Variants in PRAG1 observed in about 807,000 individuals in gnomAD.
PRAG1 encodes the protein PEAK1 related, kinase-activating pseudokinase 1, also known as inactive tyrosine-protein kinase PRAG1.
PRAG1 carries 110 observed loss-of-function variants against 95.6 expected under a neutral mutation model. The ratio of observed to expected loss-of-function variants is 1.15; its 90% CI spans 0.99 to 1.35. PRAG1 has a LOEUF of 1.35. Ranked by LOEUF, PRAG1 falls within the 40% of genes most tolerant of loss-of-function variation. The pLI is 0.00. For missense variants in PRAG1, 2,554 were observed against 1,864.7 expected, an observed-to-expected ratio of 1.37 and a Z score of -6.81; for synonymous variants, 1,052 against 819.4, an observed-to-expected ratio of 1.28 and a Z score of -4.85.
chr8:8,352,453 C>T (rs906477592), intron 3 of PRAG1, among the ~76,000 whole-genome samples: 7 of 152,182 alleles, frequency 4.6e-5, no homozygotes, highest in Admixed American at 3.9e-4. Flanking sequence ...TACTACCTCT[C>T]AGGGCTCCCT....
intron 4 of PRAG1, among the ~76,000 whole-genome samples, chr8:8,334,112 C>T (rs1285014331): frequency 6.6e-6 from 1 of 152,120 alleles, no homozygotes; most frequent in Admixed American, 6.6e-5. Context: ...ACAGTCAGAG[C>T]AGGTTCAACA....
In PRAG1 at chr8:8,317,906, T is replaced by C; in HGVS notation, c.*248A>G. ...AGGACGTTGCATGGAACTGGAAATG[T>C]GTATAATTACAGAAGAAAACAGGGA... On this transcript the variant is annotated 3_prime_UTR_variant, in exon 6 of 6. Transcript: ENST00000615670. 3.3e-6 allele frequency: 1 copy of C among 300,090 alleles called. No homozygotes were observed. Among genetic ancestry groups the C allele is most frequent in the South Asian group, 1.4e-4 (1 of 7,346 alleles). 18.6% of individuals were successfully genotyped at this position (300,090 alleles called of 1,614,324 possible). A position where few individuals can be genotyped will look rare whatever the true frequency, so the allele number is the denominator to read the frequency against.
chr8:8,386,109 C>T (rs1800839277), intron 1 of PRAG1, among the ~76,000 whole-genome samples: 1 of 152,216 alleles, frequency 6.6e-6, no homozygotes, highest in Admixed American at 6.5e-5. Flanking sequence ...AAACACCCTC[C>T]AGCTCCTCGG....
At chr8:8,337,997 T>C (rs13271161) in intron 4 of PRAG1, among the ~76,000 whole-genome samples, 1 of 152,146 alleles carries the variant, frequency 6.6e-6, no homozygotes, top group African/African-American at 2.4e-5. Context: ...TCTTTTATTG[T>C]TCTCTAAACC....
At chr8:8,362,282 C>T (rs919714283) in intron 3 of PRAG1, among the ~76,000 whole-genome samples, 1 of 152,244 alleles carries the variant, frequency 6.6e-6, no homozygotes, top group African/African-American at 2.4e-5. Flanking sequence ...CAGGACTTGT[C>T]ACCATCCACA....
chr8:8,356,772 C>T (rs144692221), intron 3 of PRAG1, among the ~76,000 whole-genome samples: 1 of 152,116 alleles, frequency 6.6e-6, no homozygotes, highest in Non-Finnish European at 1.5e-5. Context: ...TCTCACACTT[C>T]CTGATTTCAA....
At chr8:8,335,442 T>G (rs1368941980) in intron 4 of PRAG1, among the ~76,000 whole-genome samples, 2 of 152,208 alleles carry the variant, frequency 1.3e-5, no homozygotes, top group African/African-American at 4.8e-5. Flanking sequence ...TACACATTTT[T>G]GGGATGATAC....
chr8:8,382,352 T>C (rs900150196), intron 1 of PRAG1, among the ~76,000 whole-genome samples: 31 of 152,198 alleles, frequency 2.0e-4, no homozygotes, highest in Non-Finnish European at 3.2e-4. Flanking sequence ...AAAGGTGCAT[T>C]GTAATCCACA....
rs374060425 is a variant in PRAG1, at chr8:8,377,209, C to T, written c.1200G>A (p.Pro400=). Residue 400 remains proline (P), a synonymous_variant, in exon 3 of 6, where the codon CCG becomes CCA. Coordinates refer to ENST00000615670, the MANE Select transcript of PRAG1 (RefSeq NM_001080826.3). ...CLGLTGEPQP[P]AHPREATQPE... ...GCTGTGTAGCCTCCCGGGGGTGGGC[C>T]GGGGGCTGGGGCTCCCCCGTCAGCC... 26 of 1,584,822 alleles carry T rather than the reference C, an allele frequency of 1.6e-5. No homozygotes were observed. The highest frequency in any genetic ancestry group is 8.9e-5 in the South Asian group (8 of 89,716).
chr8:8,375,790 G>A (rs1044283433), intron 3 of PRAG1, among the ~76,000 whole-genome samples: 2 of 152,118 alleles, frequency 1.3e-5, no homozygotes, highest in African/African-American at 4.8e-5. Context: ...CTCCCAAAGT[G>A]TTAGGATTAC....
At chr8:8,354,698 A>G (rs1799632008) in intron 3 of PRAG1, among the ~76,000 whole-genome samples, 1 of 152,204 alleles carries the variant, frequency 6.6e-6, no homozygotes, top group African/African-American at 2.4e-5. Context: ...ATTGACATAG[A>G]AAAAGCATTT....
intron 4 of PRAG1, among the ~76,000 whole-genome samples, chr8:8,330,635 A>C (rs1290731046): frequency 2.0e-5 from 3 of 152,150 alleles, no homozygotes; most frequent in Admixed American, 6.5e-5. Flanking sequence ...TTTCCCCCTC[A>C]ATAGTCAGAA....
intron 3 of PRAG1, among the ~76,000 whole-genome samples, chr8:8,374,366 G>A (rs1420517124): frequency 6.6e-6 from 1 of 152,156 alleles, no homozygotes; most frequent in African/African-American, 2.4e-5. Flanking sequence ...CAGGACTGAG[G>A]CAGGCAGATA....
intron 3 of PRAG1, among the ~76,000 whole-genome samples, chr8:8,360,368 A>C (rs913092834): frequency 2.6e-5 from 4 of 151,988 alleles, no homozygotes; most frequent in Non-Finnish European, 5.9e-5. Context: ...TTCTCCTCTA[A>C]AATACTGACC....
chr8:8,364,842 T>A (rs1799952118), intron 3 of PRAG1, among the ~76,000 whole-genome samples: 1 of 152,184 alleles, frequency 6.6e-6, no homozygotes, highest in African/African-American at 2.4e-5. Context: ...AAGGATCTTC[T>A]CTATTCTACA....
intron 3 of PRAG1, among the ~76,000 whole-genome samples, chr8:8,374,116 T>C (rs532166573): frequency 1.3e-5 from 2 of 152,322 alleles, no homozygotes; most frequent in South Asian, 2.1e-4. Context: ...AACCTCTGCA[T>C]TGGATTCCAT....
rs1798357994 is a variant in PRAG1 at position 8,318,574 on chromosome 8, T to G, written c.3801A>C (p.Gln1267His). The G allele has an allele frequency of 6.2e-7, 1 of 1,613,124 alleles. No individual in the cohort carries two copies. The change falls in exon 6 of 6, where the codon CAA becomes CAC. Residue 1267 changes from glutamine (Q) to histidine (H), a missense_variant. Transcript: ENST00000615670. The surrounding 1 kb of genome is among the most constrained non-coding windows in gnomAD (Gnocchi z 4.2). ...TGILIYELLHQPNPFEVRAQL... is the reference protein window; with the variant it reads ...TGILIYELLHHPNPFEVRAQL... ...GGGCGCGCACCTCGAACGGGTTGGG[T>G]TGGTGCAGCAGCTCGTAGATGAGGA...
At chr8:8,370,859 G>A (rs893196096) in intron 3 of PRAG1, among the ~76,000 whole-genome samples, 23 of 152,156 alleles carry the variant, frequency 1.5e-4, no homozygotes, top group Non-Finnish European at 3.4e-4. Flanking sequence ...AATTAAGAGT[G>A]AGCAAAAGAC....
intron 3 of PRAG1, among the ~76,000 whole-genome samples, chr8:8,353,911 G>GGGA (rs746366094): frequency 1.9e-4 from 29 of 151,638 alleles, no homozygotes; most frequent in Non-Finnish European, 3.8e-4. Flanking sequence ...CATTGCACAA[G>GGGA]GGAGGAAATA....
Sources: gnomAD v4.1 joint callset for allele counts (sites outside exome capture counted in the v4.1 genomes callset) on GRCh38, gnomAD v4.1.1 for gene constraint, Gnocchi (gnomAD v3.1) non-coding constraint, MANE v1.5 for transcripts, NCBI Gene and HGNC (gene_info 2026-07-23, HGNC 2026-07-21) for gene names.